RIPOR3: variants seen among roughly 807,000 people sequenced by gnomAD.
The protein encoded by RIPOR3 is family with sequence similarity 65 member C.
Under a neutral mutation model 114.3 loss-of-function variants are expected in RIPOR3, and 95 were observed. The observed-to-expected ratio is 0.83, with a 90% confidence interval of 0.70 to 0.99. The LOEUF is 0.99. Ranked by LOEUF, RIPOR3 falls within the 50% of genes least tolerant of loss-of-function variation. The pLI is 0.00. For missense variants in RIPOR3, 1,252 were observed against 1,266.9 expected (o/e 0.99, Z 0.18); for synonymous variants, 575 against 543.8 (o/e 1.06, Z -0.80).
At chr20:50,652,964 C>T (rs976490098) in intron 1 of RIPOR3, among the ~76,000 whole-genome samples, 2 of 152,172 alleles carry the variant, frequency 1.3e-5, no homozygotes, top group African/African-American at 2.4e-5. Flanking sequence ...AAGTATACAT[C>T]CAAGAGGAAT....
intron 2 of RIPOR3, among the ~76,000 whole-genome samples, chr20:50,628,608 C>T (rs2084709233): frequency 6.6e-6 from 1 of 152,302 alleles, no homozygotes; most frequent in East Asian, 1.9e-4. Context: ...GGTGCCCTCC[C>T]CCACCCCCAG....
intron 1 of RIPOR3, among the ~76,000 whole-genome samples, chr20:50,674,555 C>T (rs961365494): frequency 2.7e-5 from 4 of 149,956 alleles, no homozygotes; most frequent in African/African-American, 9.8e-5. Context: ...CAGAATGTGA[C>T]CATTTGTGGA....
intron 1 of RIPOR3, among the ~76,000 whole-genome samples, chr20:50,679,429 G>A (rs1449178941): frequency 6.6e-6 from 1 of 150,670 alleles, no homozygotes; most frequent in Non-Finnish European, 1.5e-5. Context: ...GATCGCTTGA[G>A]TTCAGGAGTT....
chr20:50,605,417 C>T (rs2083672482), intron 11 of RIPOR3, among the ~76,000 whole-genome samples: 1 of 152,088 alleles, frequency 6.6e-6, no homozygotes, highest in African/African-American at 2.4e-5. Flanking sequence ...GACCCCAAAG[C>T]CTTAAAGATC....
In RIPOR3 at chr20:50,628,166, C is replaced by A. The variant is rs371192374; in HGVS notation, c.122+2572G>T. On this transcript the variant is annotated intron_variant, in intron 2 of 21. Transcript: ENST00000327979. ...TTTATACTTAACCCCCTCTTTGCAGCACTTATGGAGTGCCTGCTGTGTGCC... is the reference window on the plus strand; with the variant it reads ...TTTATACTTAACCCCCTCTTTGCAGAACTTATGGAGTGCCTGCTGTGTGCC... Among the ~76,000 whole-genome samples, 11 of 152,314 alleles carry A rather than the reference C, an allele frequency of 7.2e-5. No individual in the cohort carries two copies. The East Asian group carries it at 1.5e-3, about 21-fold the overall frequency.
At chr20:50,654,236 G>A (rs761090577) in intron 1 of RIPOR3, among the ~76,000 whole-genome samples, 3 of 151,176 alleles carry the variant, frequency 2.0e-5, no homozygotes, top group Non-Finnish European at 4.4e-5. Flanking sequence ...GCGCAATATC[G>A]GTTCACTGCA....
rs1476313198 is a variant in RIPOR3 at position 50,604,647 on chromosome 20, GGTA to G, written c.1081_1083del (p.Tyr361del). 1 of 1,607,094 alleles carries G rather than the reference GGTA, an allele frequency of 6.2e-7. No individual in the cohort carries two copies. The highest frequency in any genetic ancestry group is 8.5e-7 in the Non-Finnish European group (1 of 1,177,352). On this transcript the variant is annotated inframe_deletion, in exon 12 of 22. Transcript: ENST00000327979. The stretch of plus-strand genomic sequence containing the variant: ...CTGCCCCGGGAAGGCTCACTCACCA[GGTA>G]GTATCTCTCCCGGAAGCTGGGGGTG...
At chr20:50,611,953 A>G (rs1464474644) in intron 4 of RIPOR3, among the ~76,000 whole-genome samples, 3 of 151,964 alleles carry the variant, frequency 2.0e-5, no homozygotes, top group Non-Finnish European at 4.4e-5. Flanking sequence ...GCGAAACCCC[A>G]TCTCTACTAA....
chr20:50,588,310 C>T (rs1014904211), intron 20 of RIPOR3, among the ~76,000 whole-genome samples: 34 of 151,656 alleles, frequency 2.2e-4, no homozygotes, highest in African/African-American at 7.8e-4. Flanking sequence ...GACCGGCATG[C>T]GCTGCAGCGC....
In RIPOR3 at chr20:50,592,389, G is replaced by A. The variant is rs764681119; in HGVS notation, c.2532C>T (p.Ser844=). 18 of 1,605,522 alleles carry A rather than the reference G, an allele frequency of 1.1e-5. No homozygotes were observed. The highest frequency in any genetic ancestry group is 6.7e-5 in the African/African-American group (5 of 74,728). Residue 844 remains serine (S), a synonymous_variant, in exon 19 of 22, where the codon AGC becomes AGT. Coordinates refer to ENST00000327979, the MANE Select transcript of RIPOR3 (RefSeq NM_001290268.2). ...DGTPRVCRAA[S]ARLAGAVRNR... Reference sequence around the variant, plus strand: ...TCCTGACTGCACCAGCCAGGCGAGCGCTGGCCGCCCTGCACACCCTCGGAG... The same window carrying A: ...TCCTGACTGCACCAGCCAGGCGAGCACTGGCCGCCCTGCACACCCTCGGAG...
intron 1 of RIPOR3, among the ~76,000 whole-genome samples, chr20:50,684,308 A>C (rs2086947771): frequency 6.6e-6 from 1 of 152,212 alleles, no homozygotes. Context: ...CCTGCGCGAT[A>C]TGAACAAGTG....
chr20:50,659,180 G>A (rs991545408), intron 1 of RIPOR3, among the ~76,000 whole-genome samples: 1 of 152,136 alleles, frequency 6.6e-6, no homozygotes, highest in African/African-American at 2.4e-5. Context: ...CCACCCTGCC[G>A]CTGGTTAACA....
At chr20:50,620,197 C>T in intron 2 of RIPOR3, 65 bp from the exon 3 acceptor site, 2 of 1,578,444 alleles carry the variant, frequency 1.3e-6, no homozygotes, top group Non-Finnish European at 1.7e-6. Flanking sequence ...TCCCCAGGGG[C>T]AGGCACTTTG....
chr20:50,677,063 G>C (rs1044087911), intron 1 of RIPOR3, among the ~76,000 whole-genome samples: 7 of 152,092 alleles, frequency 4.6e-5, no homozygotes, highest in African/African-American at 1.7e-4. Flanking sequence ...ATATGTGCCT[G>C]GTCTCATTTA....
intron 4 of RIPOR3, among the ~76,000 whole-genome samples, chr20:50,612,902 G>C (rs2084024741): frequency 6.6e-6 from 1 of 152,132 alleles, no homozygotes; most frequent in African/African-American, 2.4e-5. Context: ...AGACCAGTCT[G>C]GGCAACACAG....
intron 1 of RIPOR3, among the ~76,000 whole-genome samples, chr20:50,650,476 G>A (rs990890354): frequency 6.6e-6 from 1 of 152,070 alleles, no homozygotes; most frequent in African/African-American, 2.4e-5. Context: ...CTAACTTTTT[G>A]TACTTTTAGT....
rs140728379 is a variant in RIPOR3 at position 50,608,622 on chromosome 20, C to T, written c.801G>A (p.Leu267=). ...CGGGCCCCATCCCCACCTTGATGTC[C>T]AGGTTCTCATGCAGCGTGGGGATGA... is the stretch of plus-strand genomic sequence containing the variant. ...KAFIPTLHEN[L]DIKVTELRGL... is the part of the protein sequence containing the mutation. The change falls in exon 10 of 22, where the codon CTG becomes CTA. Residue 267 remains leucine, a synonymous_variant. Coordinates refer to ENST00000327979, the MANE Select transcript of RIPOR3 (RefSeq NM_001290268.2). The T allele has an allele frequency of 1.5e-5, 25 of 1,613,910 alleles. 1 individual carries two copies. The highest frequency in any genetic ancestry group is 8.8e-5 in the South Asian group (8 of 91,084).
rs768101244 is a variant in RIPOR3 at position 50,595,321 on chromosome 20, C to T, written c.2050+48G>A. 5 of 1,596,976 alleles carry T rather than the reference C, an allele frequency of 3.1e-6. No homozygotes were observed. The South Asian group carries it at 3.3e-5, about 11-fold the overall frequency. On this transcript the variant is annotated intron_variant, in intron 16 of 21. Coordinates refer to ENST00000327979, the MANE Select transcript of RIPOR3 (RefSeq NM_001290268.2). ...AGGCTCCCCGAGCTTTGATCCCGTC[C>T]CCGTGCCGCTCACATAGGCAGCCCC...
At chr20:50,657,520 C>T (rs899447293) in intron 1 of RIPOR3, among the ~76,000 whole-genome samples, 1 of 151,850 alleles carries the variant, frequency 6.6e-6, no homozygotes, top group Non-Finnish European at 1.5e-5. Context: ...GAGTGAGACT[C>T]TTCTCAGAAA....
Sources: gnomAD v4.1 joint callset for allele counts (sites outside exome capture counted in the v4.1 genomes callset) on GRCh38, gnomAD v4.1.1 for gene constraint, MANE v1.5 for transcripts, NCBI Gene and HGNC (gene_info 2026-07-23, HGNC 2026-07-21) for gene names.